ZBTB21: variants seen among roughly 807,000 people sequenced by gnomAD.
ZBTB21 encodes zinc finger and BTB domain-containing protein 21.
ZBTB21 carries 10 observed loss-of-function variants against 39.8 expected under a neutral mutation model. That is an observed-to-expected ratio of 0.25 (90% CI 0.16 to 0.43). The LOEUF is 0.43. Among genes scored for constraint, ZBTB21 ranks in the 20% least tolerant of loss-of-function variants. The probability of loss-of-function intolerance (pLI) is 1.00; values close to 1 mark genes in which losing one functional copy is unlikely to be tolerated. For missense variants in ZBTB21, 1,221 were observed against 1,296.3 expected (o/e 0.94, Z 0.89); for synonymous variants, 551 against 498.8 (o/e 1.10, Z -1.40).
At chr21:41,997,582 A>AAAAAAAC (rs1569110025) in intron 2 of ZBTB21, among the ~76,000 whole-genome samples, 1 of 140,876 alleles carries the variant, frequency 7.1e-6, no homozygotes, top group Non-Finnish European at 1.6e-5. Flanking sequence ...TCTCAAAAAA[A>AAAAAAAC]AAAAAAACAA....
rs1209564644 is a variant in ZBTB21, at chr21:41,991,267, G to A, written c.2829C>T (p.Asn943=). The A allele has an allele frequency of 3.7e-6, 6 of 1,614,116 alleles. No homozygotes were observed. Among genetic ancestry groups the A allele is most frequent in the South Asian group, 1.1e-5 (1 of 91,076 alleles). The part of the protein sequence containing the change: ...SVKPFICHVC[N]KAFRTNFRLW... ...GTCGAAAATTAGTGCGAAAAGCTTT[G>A]TTGCACACGTGACAAATAAATGGTT... Residue 943 remains asparagine, a synonymous_variant, in exon 3 of 3, where the codon AAC becomes AAT. Transcript: ENST00000310826. The surrounding 1 kb of genome is among the most constrained non-coding windows in gnomAD (Gnocchi z 4.9).
rs761914368 is a variant in ZBTB21, at chr21:41,990,888, T to C, written c.*7A>G. Reference sequence around the variant, plus strand: ...ACTGCCTCCCATAGGTAAAAAGTGTTGGTCTTTCAATTGTGTGTTTGTTCG... The same window carrying C: ...ACTGCCTCCCATAGGTAAAAAGTGTCGGTCTTTCAATTGTGTGTTTGTTCG... On this transcript the variant is annotated 3_prime_UTR_variant, in exon 3 of 3. Transcript: ENST00000310826. 6.9e-7 allele frequency: 1 copy of C among 1,447,388 alleles called. No homozygotes were observed. Among genetic ancestry groups the C allele is most frequent in the Non-Finnish European group, 9.1e-7 (1 of 1,099,716 alleles). 89.7% of individuals were successfully genotyped at this position (1,447,388 alleles called of 1,614,324 possible). A position where few individuals can be genotyped will look rare whatever the true frequency, so the allele number is the denominator to read the frequency against.
chr21:42,009,144 C>G (rs557641945), intron 1 of ZBTB21: 1 of 105,038 alleles, frequency 9.5e-6, no homozygotes, highest in African/African-American at 4.7e-5. Flanking sequence ...AGGAAAAACC[C>G]CAGGCCGTGT....
intron 2 of ZBTB21, among the ~76,000 whole-genome samples, chr21:42,001,323 C>T (rs1601650271): frequency 6.6e-6 from 1 of 152,240 alleles, no homozygotes; most frequent in South Asian, 2.1e-4. Flanking sequence ...GAGGTCAAGT[C>T]ATTTGCCTAA....
In ZBTB21 at chr21:41,993,111, T is replaced by G. The variant is rs778915166; in HGVS notation, c.985A>C (p.Ile329Leu). Residue 329 changes from isoleucine (I) to leucine (L), a missense_variant, in exon 3 of 3, where the codon ATT becomes CTT. Ile to Leu is a conservative substitution (Grantham distance 5). Around this residue, in one of 4 missense-constraint regions of ZBTB21, gnomAD observed 500 missense variants for 465.6 expected, o/e 1.07. Coordinates refer to ENST00000310826, the MANE Select transcript of ZBTB21 (RefSeq NM_001098402.2). ...SSGSGSGNQS[I>L]DRSGPLVKSL... Reference sequence around the variant, plus strand: ...TTAACAAGTGGGCCACTCCTGTCAATGCTTTGGTTTCCAGAACCAGATCCA... The same window carrying G: ...TTAACAAGTGGGCCACTCCTGTCAAGGCTTTGGTTTCCAGAACCAGATCCA... The G allele has an allele frequency of 3.7e-6, 6 of 1,614,232 alleles. No individual in the cohort carries two copies. Among genetic ancestry groups the G allele is most frequent in the Non-Finnish European group, 5.1e-6 (6 of 1,180,038 alleles).
At position 41,992,277 on chromosome 21, in the gene ZBTB21, C is replaced by A; in HGVS notation, c.1819G>T (p.Ala607Ser). The change falls in exon 3 of 3, where the codon GCC becomes TCC. Residue 607 changes from alanine (A) to serine (S), a missense_variant. By Grantham distance (99) the Ala-to-Ser change is moderately conservative. Around this residue, in one of 4 missense-constraint regions of ZBTB21, gnomAD observed 90 missense variants for 133.1 expected, o/e 0.68. Transcript: ENST00000310826. The surrounding 1 kb of genome is among the most constrained non-coding windows in gnomAD (Gnocchi z 4.1). ...TCCAAAACAGCATGTGAACTAGAGG[C>A]TGGTGATGGGTTCTTCACTATGCCG... ...QHGIVKNPSP[A>S]SSSHAVLDEK... 2 of 1,614,184 alleles carry A rather than the reference C, an allele frequency of 1.2e-6. No homozygotes were observed. Among genetic ancestry groups the A allele is most frequent in the East Asian group, 2.2e-5 (1 of 44,874 alleles).
chr21:42,005,304 G>C (rs979057996), intron 1 of ZBTB21, among the ~76,000 whole-genome samples: 4 of 152,052 alleles, frequency 2.6e-5, no homozygotes, highest in African/African-American at 9.7e-5. Flanking sequence ...CCTACCTCTG[G>C]GCTAACCATA....
chr21:41,993,053 C>T lies in ZBTB21; in HGVS notation c.1043G>A (p.Ser348Asn). The T allele has an allele frequency of 6.2e-7, 1 of 1,614,228 alleles. No homozygotes were observed. Among genetic ancestry groups the T allele is most frequent in the Non-Finnish European group, 8.5e-7 (1 of 1,180,046 alleles). ...GGAAGGTGAATAGACAGGAACCTGG[C>T]TATCCATCGACAATGACCGTCTGAG... Reference protein sequence around the residue: ...SLLRRSLSMDSQVPVYSPSID... With the variant: ...SLLRRSLSMDNQVPVYSPSID... The change falls in exon 3 of 3, where the codon AGC (serine) becomes AAC (asparagine). Residue 348 changes from serine to asparagine, a missense_variant. Physicochemically the swap from Ser to Asn is conservative, Grantham distance 46. Coordinates refer to ENST00000310826, the MANE Select transcript of ZBTB21 (RefSeq NM_001098402.2).
At chr21:41,997,039 T>A (rs562094279) in intron 2 of ZBTB21, among the ~76,000 whole-genome samples, 40 of 152,330 alleles carry the variant, frequency 2.6e-4, no homozygotes, top group Admixed American at 2.2e-3. Flanking sequence ...GTCTCAGGTA[T>A]GTCTTTATTA....
At position 41,987,919 on chromosome 21, in the gene ZBTB21, G is replaced by A. The variant is rs900803872; in HGVS notation, c.*2976C>T. The A allele has an allele frequency of 1.3e-4, 20 of 152,112 alleles. No homozygotes were observed. The highest frequency in any genetic ancestry group is 4.1e-4 in the African/African-American group (17 of 41,414). 9.4% of individuals were successfully genotyped at this position (152,112 alleles called of 1,614,324 possible). On this transcript the variant is annotated 3_prime_UTR_variant, in exon 3 of 3. Transcript: ENST00000310826. Reference sequence around the variant, plus strand: ...AATGGGACTACATATGGATTCAAACGGTCACTCATTAAGTGCTGGGGCACA... The same window carrying A: ...AATGGGACTACATATGGATTCAAACAGTCACTCATTAAGTGCTGGGGCACA...
At chr21:42,010,017 G>A (rs2065941561) in intron 1 of ZBTB21, among the ~76,000 whole-genome samples, 1 of 152,268 alleles carries the variant, frequency 6.6e-6, no homozygotes, top group African/African-American at 2.4e-5. Context: ...CTGGCAGGGA[G>A]CGTGCGCAGT....
chr21:42,000,809 G>C lies in ZBTB21; in HGVS notation c.-14+2088C>G, dbSNP rs574521207. Among the ~76,000 whole-genome samples, 9 of 152,178 alleles carry C rather than the reference G, an allele frequency of 5.9e-5. No homozygotes were observed. In the South Asian group the frequency reaches 1.9e-3, roughly 32 times the overall value. ...TACTCACTGTCCCTGAAAATTATTG[G>C]GGATTTAAAACTTAACTTTCCTATA... On this transcript the variant is annotated intron_variant, in intron 2 of 2. Transcript: ENST00000310826.
rs548010843 is a variant in ZBTB21 at position 41,994,221 on chromosome 21, G to A, written c.-13-113C>T. On this transcript the variant is annotated intron_variant, in intron 2 of 2. Coordinates refer to ENST00000310826, the MANE Select transcript of ZBTB21 (RefSeq NM_001098402.2). ...CATAGGTACCAATATTTAGCAGACC[G>A]TAGGCTAACAGAAGCTCTATGAATG... 395 of 829,822 alleles carry A rather than the reference G, an allele frequency of 4.8e-4. 6 individuals are homozygous for A. The South Asian group carries it at 7.7e-3, about 16-fold the overall frequency. 51.4% of individuals were successfully genotyped at this position (829,822 alleles called of 1,614,324 possible).
intron 2 of ZBTB21, among the ~76,000 whole-genome samples, chr21:41,994,876 G>A (rs12482638): frequency 0.058 from 8,782 of 152,166 alleles, 310 homozygotes; most frequent in African/African-American, 0.095. Flanking sequence ...GGTCTTTCTC[G>A]TTCTCTTCTC....
At position 41,993,528 on chromosome 21, in the gene ZBTB21, G is replaced by C. The variant is rs761728849; in HGVS notation, c.568C>G (p.His190Asp). ...IAVKANTNKPHVPKPIEPLHN... is the reference protein window; with the variant it reads ...IAVKANTNKPDVPKPIEPLHN... ...AGTGGTTCTATTGGTTTTGGGACAT[G>C]TGGCTTATTGGTATTGGCCTTGACT... is the stretch of plus-strand genomic sequence containing the variant. The change falls in exon 3 of 3, where the codon CAT (histidine) becomes GAT (aspartate). Residue 190 changes from histidine to aspartate, a missense_variant. Around this residue, in one of 4 missense-constraint regions of ZBTB21, gnomAD observed 500 missense variants for 465.6 expected, o/e 1.07. Coordinates refer to ENST00000310826, the MANE Select transcript of ZBTB21 (RefSeq NM_001098402.2). The C allele has an allele frequency of 6.2e-7, 1 of 1,614,222 alleles. No individual in the cohort carries two copies. The highest frequency in any genetic ancestry group is 1.1e-5 in the South Asian group (1 of 91,084).
intron 2 of ZBTB21, among the ~76,000 whole-genome samples, chr21:41,999,151 A>AT (rs922748104): frequency 4.6e-5 from 7 of 152,238 alleles, no homozygotes; most frequent in Non-Finnish European, 1.0e-4. Context: ...TTTAGCACTA[A>AT]TAATTTTTGA....
intron 2 of ZBTB21, among the ~76,000 whole-genome samples, chr21:41,994,802 G>T (rs138680137): frequency 1.7e-5 from 2 of 115,556 alleles, no homozygotes; most frequent in Non-Finnish European, 3.7e-5. Flanking sequence ...CTCTTGAATT[G>T]TAACTCCCAC....
In ZBTB21 at chr21:42,000,836, C is replaced by T. The variant is rs546176557; in HGVS notation, c.-14+2061G>A. On this transcript the variant is annotated intron_variant, in intron 2 of 2. Transcript: ENST00000310826. The stretch of plus-strand genomic sequence containing the variant: ...GATTTAAAACTTAACTTTCCTATAA[C>T]CTCCATTTAGAGCCATCACACCTGC... 6.6e-5 allele frequency among the ~76,000 whole-genome samples: 10 copies of T among 152,290 alleles called. 1 individual carries two copies. In the South Asian group the frequency reaches 2.1e-3, roughly 32 times the overall value.
Position 41,993,160 on chromosome 21 carries a change from C to T in ZBTB21, c.936G>A (p.Lys312=), listed in dbSNP as rs1364243377. ...GEDRNLLYYS[K]LGLVIPSSGS... is the part of the protein sequence containing the mutation. ...CACTGGATGGGATCACTAAGCCTAA[C>T]TTTGAATAGTACAACAAGTTTCTAT... Residue 312 remains lysine, a synonymous_variant, in exon 3 of 3, where the codon AAG becomes AAA. Transcript: ENST00000310826. 1 of 1,613,962 alleles carries T rather than the reference C, an allele frequency of 6.2e-7. No individual in the cohort carries two copies. The highest frequency in any genetic ancestry group is 1.3e-5 in the African/African-American group (1 of 74,946).
Sources: gnomAD v4.1 joint callset for allele counts (sites outside exome capture counted in the v4.1 genomes callset) on GRCh38, gnomAD v4.1.1 for gene constraint, gnomAD v4.1.1 regional missense constraint, Gnocchi (gnomAD v3.1) non-coding constraint, MANE v1.5 for transcripts, NCBI Gene and HGNC (gene_info 2026-07-23, HGNC 2026-07-21) for gene names.